The following TENM2 variants were observed in gnomAD, a reference collection of about 807,000 sequenced individuals.
TENM2 encodes teneurin transmembrane protein 2, also known as teneurin-2.
Under a neutral mutation model 245.2 loss-of-function variants are expected in TENM2, and 52 were observed. That is an observed-to-expected ratio of 0.21 (90% CI 0.17 to 0.27). The LOEUF (loss-of-function observed/expected upper bound fraction) is 0.27. Ranked by LOEUF, TENM2 falls within the 10% of genes least tolerant of loss-of-function variation. The pLI, the probability that TENM2 is intolerant of heterozygous loss-of-function variation, is 1.00. For synonymous variants in TENM2, 1,363 were observed against 1,438.9 expected, an observed-to-expected ratio of 0.95 and a Z score of 1.19; for missense variants, 3,046 against 3,666.8, an observed-to-expected ratio of 0.83 and a Z score of 4.37.
At chr5:167,482,597 T>G (rs1767824417) in intron 2 of TENM2, among the ~76,000 whole-genome samples, 1 of 152,196 alleles carries the variant, frequency 6.6e-6, no homozygotes, top group Non-Finnish European at 1.5e-5. Context: ...CACATCCTTT[T>G]GGGTAAGTCA....
At chr5:167,540,817 CTG>C (rs1332949872) in intron 2 of TENM2, among the ~76,000 whole-genome samples, 1 of 152,108 alleles carries the variant, frequency 6.6e-6, no homozygotes, top group Non-Finnish European at 1.5e-5. Context: ...TCTATAGAAA[CTG>C]AGGATTTAAA....
chr5:167,802,637 G>C (rs1300476932), intron 2 of TENM2, among the ~76,000 whole-genome samples: 3 of 152,140 alleles, frequency 2.0e-5, no homozygotes, highest in Non-Finnish European at 4.4e-5. Flanking sequence ...GGTACCCAAG[G>C]TGTTCCTCAC....
rs118055144 is a variant in TENM2, at chr5:168,012,153, A to G, written c.1186+18971A>G. The stretch of plus-strand genomic sequence containing the variant: ...ATCCTCAGAACCGCCCCTAATAACA[A>G]TGTTTCTAAAAAAAGAAATGTACAG... On this transcript the variant is annotated intron_variant, in intron 5 of 28. Coordinates refer to ENST00000518659, the Ensembl canonical transcript of TENM2. Among the ~76,000 whole-genome samples, 8 of 152,176 alleles carry G rather than the reference A, an allele frequency of 5.3e-5. No homozygotes were observed. The East Asian group carries it at 1.4e-3, about 26-fold the overall frequency.
chr5:167,594,334 A>G (rs185007293), intron 2 of TENM2, among the ~76,000 whole-genome samples: 1 of 152,314 alleles, frequency 6.6e-6, no homozygotes, highest in African/African-American at 2.4e-5. Flanking sequence ...AATTTGAGAA[A>G]GCACATGGTA....
the TENM2 span, among the ~76,000 whole-genome samples, chr5:167,257,979 A>C: frequency 6.6e-6 from 1 of 151,930 alleles, no homozygotes; most frequent in Non-Finnish European, 1.5e-5. Flanking sequence ...AGTTAATGAA[A>C]TCATGAAGCC....
At chr5:167,865,217 CT>C (rs1165781255) in intron 2 of TENM2, among the ~76,000 whole-genome samples, 1 of 152,188 alleles carries the variant, frequency 6.6e-6, no homozygotes, top group East Asian at 1.9e-4. Flanking sequence ...TCCCCAGTAG[CT>C]CCTGAAGGTG....
At chr5:167,334,781 C>T (rs1476415309) in intron 1 of TENM2, among the ~76,000 whole-genome samples, 2 of 152,082 alleles carry the variant, frequency 1.3e-5, no homozygotes, top group African/African-American at 4.8e-5. Flanking sequence ...AAAAGGATAC[C>T]AAATTGAAGC....
intron 2 of TENM2, among the ~76,000 whole-genome samples, chr5:167,581,233 CATAAT>C (rs1348024853): frequency 3.3e-5 from 5 of 152,078 alleles, no homozygotes; most frequent in Admixed American, 6.5e-5. Context: ...AAATGTATAA[CATAAT>C]ATAAGCAATA....
Position 168,218,241 on chromosome 5 carries a change from G to A in TENM2, c.4350G>A (p.Ala1450=), listed in dbSNP as rs778030762. The change falls in exon 23 of 29, where the codon GCG becomes GCA. Residue 1450 remains alanine, a synonymous_variant. Coordinates refer to ENST00000518659, the Ensembl canonical transcript of TENM2. This position sits in a 1 kb window ranked among gnomAD's most constrained non-coding sequence, Gnocchi z 5.2. ...AGAACCACCAAGTCAGCATCATTGCGGGACGCCCCATGCACTGCCAAGTTC... is the reference window on the plus strand; with the variant it reads ...AGAACCACCAAGTCAGCATCATTGCAGGACGCCCCATGCACTGCCAAGTTC... The A allele has an allele frequency of 4.4e-5, 71 of 1,612,824 alleles. 1 individual carries two copies. The highest frequency in any genetic ancestry group is 1.6e-4 in the Middle Eastern group (1 of 6,080).
At chr5:167,960,116 T>G (rs1025814776) in intron 4 of TENM2, among the ~76,000 whole-genome samples, 14 of 152,216 alleles carry the variant, frequency 9.2e-5, no homozygotes, top group African/African-American at 3.4e-4. Flanking sequence ...CTCTCCTGTA[T>G]GAGGTGTCTG....
intron 12 of TENM2, among the ~76,000 whole-genome samples, chr5:168,143,843 C>CT (rs70976464): frequency 0.19 from 19,450 of 101,588 alleles, 2,352 homozygotes; most frequent in East Asian, 0.26. Context: ...TACTACACTT[C>CT]TTTTTTTTTT....
intron 3 of TENM2, among the ~76,000 whole-genome samples, chr5:167,913,809 T>G (rs995040277): frequency 7.9e-5 from 12 of 152,240 alleles, no homozygotes; most frequent in African/African-American, 2.9e-4. Context: ...GCTGCACAAC[T>G]GACCAGCTTT....
At chr5:167,256,096 A>T in the TENM2 span, among the ~76,000 whole-genome samples, 1 of 152,146 alleles carries the variant, frequency 6.6e-6, no homozygotes. Flanking sequence ...TGGGTTTTGG[A>T]TGTGATCCTA....
At chr5:167,456,556 A>T (rs910091928) in intron 2 of TENM2, among the ~76,000 whole-genome samples, 1 of 152,118 alleles carries the variant, frequency 6.6e-6, no homozygotes, top group African/African-American at 2.4e-5. Flanking sequence ...TAAAAACATC[A>T]TTTTCAGACA....
chr5:168,076,057 C>T (rs1233434980), intron 7 of TENM2, among the ~76,000 whole-genome samples: 1 of 152,176 alleles, frequency 6.6e-6, no homozygotes, highest in Admixed American at 6.5e-5. Flanking sequence ...CAAACCATAT[C>T]AGTTTCTGTG....
chr5:167,143,839 A>G, the TENM2 span, among the ~76,000 whole-genome samples: 169 of 152,260 alleles, frequency 1.1e-3, no homozygotes, highest in Middle Eastern at 0.054. Flanking sequence ...AACACTTCAC[A>G]TTTCGCACTT....
intron 1 of TENM2, among the ~76,000 whole-genome samples, chr5:167,303,628 C>G (rs191648836): frequency 1.9e-3 from 292 of 152,222 alleles, no homozygotes; most frequent in African/African-American, 6.2e-3. Flanking sequence ...GGATGTGTAC[C>G]TGCAGGTCAC....
chr5:168,232,544 A>G (rs573927727), intron 25 of TENM2, among the ~76,000 whole-genome samples: 1 of 152,298 alleles, frequency 6.6e-6, no homozygotes, highest in East Asian at 1.9e-4. Context: ...ATTTGGAGAG[A>G]ATGTGTGGGT....
At chr5:167,803,525 G>A (rs370191549) in intron 2 of TENM2, among the ~76,000 whole-genome samples, 15 of 151,914 alleles carry the variant, frequency 9.9e-5, no homozygotes, top group African/African-American at 3.6e-4. Flanking sequence ...ACAGGGAGTC[G>A]GGAAGCACCA....
Sources: gnomAD v4.1 joint callset for allele counts (sites outside exome capture counted in the v4.1 genomes callset) on GRCh38, gnomAD v4.1.1 for gene constraint, Gnocchi (gnomAD v3.1) non-coding constraint, MANE v1.5 for transcripts, NCBI Gene and HGNC (gene_info 2026-07-23, HGNC 2026-07-21) for gene names.